ART3: variants seen among roughly 807,000 people sequenced by gnomAD.
ART3 encodes ADP-ribosyltransferase 3 (inactive).
Under a neutral mutation model 48.5 loss-of-function variants are expected in ART3, and 49 were observed. The ratio of observed to expected loss-of-function variants is 1.01; its 90% CI spans 0.80 to 1.28. ART3 has a LOEUF of 1.28. Among genes scored for constraint, ART3 ranks in the 50% most tolerant of loss-of-function variants. ART3 has a pLI of 0.00. For missense variants in ART3, 438 were observed against 454.3 expected (o/e 0.96, Z 0.33); for synonymous variants, 145 against 157.2 (o/e 0.92, Z 0.58).
intron 1 of ART3, among the ~76,000 whole-genome samples, chr4:76,050,094 G>A (rs1735909229): frequency 6.6e-6 from 1 of 152,038 alleles, no homozygotes; most frequent in South Asian, 2.1e-4. Flanking sequence ...CGCGGTGAGT[G>A]TTACAGCTCA....
At chr4:76,112,291 A>G in intron 11 of ART3, 95 bp from the exon 12 acceptor site, 8 of 1,416,300 alleles carry the variant, frequency 5.6e-6, no homozygotes, top group Non-Finnish European at 7.6e-6. Context: ...CTTCAACTTT[A>G]GTGTCATTGT....
chr4:76,075,365 A>G (rs1480430331), intron 1 of ART3: 1 of 152,700 alleles, frequency 6.5e-6, no homozygotes, highest in Admixed American at 6.5e-5. Context: ...TTGTACCACT[A>G]CTGACCTCAT....
intron 1 of ART3, among the ~76,000 whole-genome samples, chr4:76,026,022 A>T (rs1429596060): frequency 2.0e-5 from 3 of 152,090 alleles, no homozygotes; most frequent in African/African-American, 7.3e-5. Context: ...CAAATTTCTA[A>T]TTAAGCTGCT....
At chr4:76,098,282 A>T (rs1726469002) in intron 4 of ART3, among the ~76,000 whole-genome samples, 1 of 152,168 alleles carries the variant, frequency 6.6e-6, no homozygotes. Context: ...AGTATTAAGG[A>T]ACAGCATTAT....
chr4:76,099,391 A>G, intron 5 of ART3: 1 of 226,408 alleles, frequency 4.4e-6, no homozygotes, highest in South Asian at 6.1e-5. Flanking sequence ...AAATTTGCAG[A>G]TATAAAGCAG....
chr4:76,065,829 G>T (rs184086582), intron 1 of ART3, among the ~76,000 whole-genome samples: 1 of 151,670 alleles, frequency 6.6e-6, no homozygotes, highest in Non-Finnish European at 1.5e-5. Flanking sequence ...GGGATAATAC[G>T]CATTATTTTG....
intron 8 of ART3, among the ~76,000 whole-genome samples, chr4:76,101,599 A>C (rs543569705): frequency 6.6e-6 from 1 of 152,168 alleles, no homozygotes; most frequent in South Asian, 2.1e-4. Context: ...TAAAAATACA[A>C]AAATTAGCCG....
chr4:76,030,388 G>C (rs1733772168), intron 1 of ART3, among the ~76,000 whole-genome samples: 1 of 152,168 alleles, frequency 6.6e-6, no homozygotes, highest in Non-Finnish European at 1.5e-5. Flanking sequence ...ATCTATCACT[G>C]TCTTGATTAT....
chr4:76,106,417 A>C (rs1728482357), intron 10 of ART3: 2 of 965,522 alleles, frequency 2.1e-6, no homozygotes, highest in African/African-American at 1.8e-5. Context: ...TAGAGAAAAC[A>C]AACTTGAGAG....
chr4:76,077,838 A>C (rs1401472603), intron 2 of ART3, among the ~76,000 whole-genome samples: 2 of 152,224 alleles, frequency 1.3e-5, no homozygotes, highest in Non-Finnish European at 2.9e-5. Context: ...GGATTCTAAT[A>C]TCTCTGCATC....
chr4:76,092,531 C>G (rs981319389), intron 3 of ART3, among the ~76,000 whole-genome samples: 3 of 152,178 alleles, frequency 2.0e-5, no homozygotes, highest in African/African-American at 7.2e-5. Context: ...TTATTTAGCT[C>G]CCCTGCTCCC....
At chr4:76,067,586 T>A (rs1440472758) in intron 1 of ART3, among the ~76,000 whole-genome samples, 1 of 152,206 alleles carries the variant, frequency 6.6e-6, no homozygotes, top group African/African-American at 2.4e-5. Context: ...AGTGTCAGTA[T>A]GTCATAGTGT....
At position 76,082,245 on chromosome 4, in the gene ART3, C is replaced by CAA; in HGVS notation, c.492_493dup (p.Ser165LysfsTer12). ...AGTTCCAAAACTGTGGTATATAGAACAAGCCAGGGCACTTCATTTACATTT... is the reference window on the plus strand; with the variant it reads ...AGTTCCAAAACTGTGGTATATAGAACAAAAGCCAGGGCACTTCATTTACATTT... On this transcript the variant is annotated frameshift_variant, in exon 3 of 12. Transcript: ENST00000355810. LOFTEE classifies it high-confidence loss of function. 1 of 1,614,170 alleles carries CAA rather than the reference C, an allele frequency of 6.2e-7. No homozygotes were observed. The highest frequency in any genetic ancestry group is 8.5e-7 in the Non-Finnish European group (1 of 1,180,032).
At chr4:76,109,967 G>A (rs1053854555) in intron 11 of ART3, among the ~76,000 whole-genome samples, 2 of 152,098 alleles carry the variant, frequency 1.3e-5, no homozygotes, top group African/African-American at 2.4e-5. Flanking sequence ...TCCAGTCAAC[G>A]CTTCCCCGTA....
At position 76,075,918 on chromosome 4, in the gene ART3, C is replaced by T. The variant is rs1437122380; in HGVS notation, c.29C>T (p.Thr10Ile). 1.2e-6 allele frequency: 2 copies of T among 1,612,846 alleles called. No homozygotes were observed. The highest frequency in any genetic ancestry group is 2.2e-5 in the East Asian group (1 of 44,870). Residue 10 changes from threonine to isoleucine, a missense_variant, in exon 2 of 12, where the codon ACC (threonine) becomes ATC (isoleucine). Transcript: ENST00000355810. Reference protein sequence around the residue: MKTGHFEIVTMLLATMILVD... With the variant: MKTGHFEIVIMLLATMILVD... ...AAGACGGGACATTTTGAAATAGTCA[C>T]CATGCTGCTGGCAACCATGATTCTA...
At chr4:76,103,826 T>G (rs1412172411) in intron 8 of ART3, 111 bp from the exon 9 acceptor site, 1 of 1,001,048 alleles carries the variant, frequency 1.0e-6, no homozygotes, top group Non-Finnish European at 1.4e-6. Flanking sequence ...TCTTTCCCCC[T>G]GCCTTTTTTT....
intron 3 of ART3, among the ~76,000 whole-genome samples, chr4:76,093,361 G>C (rs1175150193): frequency 6.6e-6 from 1 of 152,152 alleles, no homozygotes; most frequent in Non-Finnish European, 1.5e-5. Context: ...CCCAAGAGTT[G>C]ATGTTGCAGT....
chr4:76,111,716 A>G (rs565272219), intron 11 of ART3, among the ~76,000 whole-genome samples: 1 of 151,634 alleles, frequency 6.6e-6, no homozygotes, highest in African/African-American at 2.4e-5. Flanking sequence ...CTAATTCTGT[A>G]TATTTAGTAG....
At chr4:76,105,347 A>G (rs914846026) in intron 10 of ART3, among the ~76,000 whole-genome samples, 1 of 152,170 alleles carries the variant, frequency 6.6e-6, no homozygotes, top group African/African-American at 2.4e-5. Context: ...GCTTTATATA[A>G]GTTACTTCAC....
Sources: allele counts gnomAD v4.1 joint callset (sites outside exome capture counted in the v4.1 genomes callset), GRCh38; gene constraint gnomAD v4.1.1; transcripts MANE v1.5; gene names NCBI Gene and HGNC (gene_info 2026-07-23, HGNC 2026-07-21).